The following RASSF2 variants were observed in gnomAD, a reference collection of about 807,000 sequenced individuals.
RASSF2 encodes the protein Ras association domain family member 2.
Under a neutral mutation model 46.3 loss-of-function variants are expected in RASSF2, and 34 were observed. The ratio of observed to expected loss-of-function variants is 0.73; its 90% CI spans 0.56 to 0.98. The LOEUF is 0.98. Among genes scored for constraint, RASSF2 ranks in the 50% least tolerant of loss-of-function variants. The pLI is 0.00. For synonymous variants in RASSF2, 158 were observed against 162.5 expected (o/e 0.97, Z 0.21); for missense variants, 364 against 431.2 (o/e 0.84, Z 1.38).
chr20:4,820,513 AAATAAT>A (rs931872671), intron 2 of RASSF2, among the ~76,000 whole-genome samples: 3 of 151,868 alleles, frequency 2.0e-5, no homozygotes, highest in African/African-American at 7.3e-5. Context: ...CTATGTCAAA[AAATAAT>A]AATAATAATA....
intron 2 of RASSF2, among the ~76,000 whole-genome samples, chr20:4,816,921 T>C (rs1285159878): frequency 6.6e-6 from 1 of 152,056 alleles, no homozygotes; most frequent in Non-Finnish European, 1.5e-5. Flanking sequence ...CTGGCCAACA[T>C]GGTGAAACCC....
chr20:4,798,213 C>T, intron 3 of RASSF2, 128 bp from the exon 4 acceptor site: 1 of 1,396,752 alleles, frequency 7.2e-7, no homozygotes, highest in African/African-American at 1.4e-5. Flanking sequence ...TCCACATGTA[C>T]ATACACACAC....
rs1224576168 is a variant in RASSF2 at position 4,795,237 on chromosome 20, T to TA, written c.287+577dup. 6.6e-6 allele frequency: 1 copy of TA among 152,278 alleles called. No individual in the cohort carries two copies. The highest frequency in any genetic ancestry group is 1.5e-5 in the Non-Finnish European group (1 of 68,082). The allele number at this position is 152,278 out of a possible 1,614,324, so 9.4% of individuals were successfully genotyped here. A position where few individuals can be genotyped will look rare whatever the true frequency, so the allele number is the denominator to read the frequency against. On this transcript the variant is annotated intron_variant, in intron 5 of 11. Transcript: ENST00000379400. This position sits in a 1 kb window ranked among gnomAD's most constrained non-coding sequence, Gnocchi z 4.0. Reference sequence around the variant, plus strand: ...CTTCCCAGCCCTTCTGGTGGGAACTTAGACTACCACCATCTCACCAAACCC... The same window carrying TA: ...CTTCCCAGCCCTTCTGGTGGGAACTTAAGACTACCACCATCTCACCAAACCC...
At chr20:4,789,462 G>A (rs1401449921) in intron 8 of RASSF2, 134 bp downstream of exon 8, 1 of 674,562 alleles carries the variant, frequency 1.5e-6, no homozygotes, top group African/African-American at 1.8e-5. Flanking sequence ...GGATCGTGAG[G>A]ATCTAAAGAA....
chr20:4,810,058 T>C (rs919972497), intron 2 of RASSF2, among the ~76,000 whole-genome samples: 36 of 152,182 alleles, frequency 2.4e-4, no homozygotes, highest in African/African-American at 8.4e-4. Context: ...CCATTACACC[T>C]GCTCCATATC....
chr20:4,786,382 T>C (rs1214952565), intron 10 of RASSF2, 54 bp from the exon 11 acceptor site: 1 of 1,386,408 alleles, frequency 7.2e-7, no homozygotes, highest in Non-Finnish European at 1.0e-6. Context: ...TTATTCCAAT[T>C]CCTTTCAGGG....
Position 4,795,880 on chromosome 20 carries a change from G to A in RASSF2, c.222C>T (p.Asn74=), listed in dbSNP as rs148149429. 4.7e-3 allele frequency: 7,629 copies of A among 1,609,872 alleles called. 37 individuals are homozygous for A. The highest frequency in any genetic ancestry group is 5.7e-3 in the Non-Finnish European group (6,742 of 1,177,550). The change falls in exon 5 of 12, where the codon AAC becomes AAT. Residue 74 remains asparagine, a synonymous_variant. Coordinates refer to ENST00000379400, the MANE Select transcript of RASSF2 (RefSeq NM_014737.3). The surrounding 1 kb of genome is among the most constrained non-coding windows in gnomAD (Gnocchi z 4.0). ...AGGATGGAGGGGGTCGAATGCGTTC[G>A]TTGTCATCCTGCATCTGCAGGCGAA... ...RPIRLQMQDD[N]ERIRPPPSSS...
intron 2 of RASSF2, among the ~76,000 whole-genome samples, chr20:4,802,175 G>C (rs1041562314): frequency 1.3e-5 from 2 of 152,036 alleles, no homozygotes; most frequent in Admixed American, 6.6e-5. Context: ...GGGCTCCCTC[G>C]ATCCCCCCGC....
At chr20:4,787,058 A>C (rs4527285) in intron 10 of RASSF2, among the ~76,000 whole-genome samples, 32,915 of 144,298 alleles carry the variant, frequency 0.23, 3,835 homozygotes, top group East Asian at 0.37. Context: ...ACTCCATCCC[A>C]AAAAAAAAAA....
In RASSF2 at chr20:4,790,180, G is replaced by A. The variant is rs536584790; in HGVS notation, c.537+271C>T. Among the ~76,000 whole-genome samples, 12 of 152,318 alleles carry A rather than the reference G, an allele frequency of 7.9e-5. No individual in the cohort carries two copies. The highest frequency in any genetic ancestry group is 3.9e-4 in the East Asian group (2 of 5,178). ...TGAGCTGCGTTTATGGGGTCTTCAAGGCTACAGCAGGGACTGCTTTGTACA... is the reference window on the plus strand; with the variant it reads ...TGAGCTGCGTTTATGGGGTCTTCAAAGCTACAGCAGGGACTGCTTTGTACA... On this transcript the variant is annotated intron_variant, in intron 7 of 11. Transcript: ENST00000379400. The surrounding 1 kb of genome is among the most constrained non-coding windows in gnomAD (Gnocchi z 4.3).
rs1438660056 is a variant in RASSF2 at position 4,790,868 on chromosome 20, T to C, written c.377-257A>G. Among the ~76,000 whole-genome samples the C allele has an allele frequency of 6.6e-6, 1 of 152,112 alleles. No homozygotes were observed. The highest frequency in any genetic ancestry group is 1.5e-5 in the Non-Finnish European group (1 of 68,016). ...CCATGATTGCCATATATCACTAACC[T>C]CTCTGTGCCTCGGTGCTTTTATATA... On this transcript the variant is annotated intron_variant, in intron 6 of 11. Transcript: ENST00000379400. The surrounding 1 kb of genome is among the most constrained non-coding windows in gnomAD (Gnocchi z 4.3).
In RASSF2 at chr20:4,786,433, T is replaced by G. The variant is rs1004026394; in HGVS notation, c.814-105A>C. 7.8e-6 allele frequency: 8 copies of G among 1,031,628 alleles called. No individual in the cohort carries two copies. In the African/African-American group the frequency reaches 1.1e-4, roughly 14 times the overall value. The allele number at this position is 1,031,628 out of a possible 1,614,324, so 63.9% of individuals were successfully genotyped here. On this transcript the variant is annotated intron_variant, in intron 10 of 11. Coordinates refer to ENST00000379400, the MANE Select transcript of RASSF2 (RefSeq NM_014737.3). ...GCACAAAGCCTTGGGAAGTCTATTT[T>G]TTTCAGAAACCCAGGATTTCCTTAA...
chr20:4,800,918 A>C (rs1404063191), intron 3 of RASSF2, 54 bp downstream of exon 3: 2 of 1,486,746 alleles, frequency 1.3e-6, no homozygotes, highest in East Asian at 4.5e-5. Flanking sequence ...CACCCACAAC[A>C]TCCCAGCACG....
At chr20:4,807,458 A>G (rs1164350036) in intron 2 of RASSF2, among the ~76,000 whole-genome samples, 1 of 152,246 alleles carries the variant, frequency 6.6e-6, no homozygotes, top group East Asian at 1.9e-4. Context: ...AATCAGTAAG[A>G]AAAAGGTTCT....
chr20:4,802,882 G>GTATA (rs139381564), intron 2 of RASSF2, among the ~76,000 whole-genome samples: 38,325 of 133,208 alleles, frequency 0.29, 5,673 homozygotes, highest in East Asian at 0.46. Flanking sequence ...ATGTGTGTGT[G>GTATA]TATATATATA....
intron 2 of RASSF2, among the ~76,000 whole-genome samples, chr20:4,808,273 A>G (rs1177998825): frequency 6.6e-6 from 1 of 152,118 alleles, no homozygotes; most frequent in Admixed American, 6.6e-5. Flanking sequence ...TTTAAGAACC[A>G]TTTACGATCA....
rs943417739 is a variant in RASSF2, at chr20:4,812,535, C to T, written c.-33+9794G>A. Among the ~76,000 whole-genome samples, 2 of 152,186 alleles carry T rather than the reference C, an allele frequency of 1.3e-5. No homozygotes were observed. The highest frequency in any genetic ancestry group is 4.8e-5 in the African/African-American group (2 of 41,436). ...AACTGTATTCTGGAGGAGAGGTTCTCCCACTTGAGTGTGTATTGGAATCTC... is the reference window on the plus strand; with the variant it reads ...AACTGTATTCTGGAGGAGAGGTTCTTCCACTTGAGTGTGTATTGGAATCTC... On this transcript the variant is annotated intron_variant, in intron 2 of 11. Coordinates refer to ENST00000379400, the MANE Select transcript of RASSF2 (RefSeq NM_014737.3). This position sits in a 1 kb window ranked among gnomAD's most constrained non-coding sequence, Gnocchi z 4.0.
chr20:4,816,011 T>A (rs1928276351), intron 2 of RASSF2, among the ~76,000 whole-genome samples: 1 of 152,228 alleles, frequency 6.6e-6, no homozygotes, highest in Admixed American at 6.5e-5. Flanking sequence ...GTTTTATTTT[T>A]TAAATATAGG....
At chr20:4,815,779 C>A (rs1928256577) in intron 2 of RASSF2, among the ~76,000 whole-genome samples, 1 of 152,216 alleles carries the variant, frequency 6.6e-6, no homozygotes, top group Admixed American at 6.5e-5. Flanking sequence ...AGCCAGCAAG[C>A]CATGCTGTGG....
Sources: allele counts gnomAD v4.1 joint callset (sites outside exome capture counted in the v4.1 genomes callset), GRCh38; gene constraint gnomAD v4.1.1; non-coding constraint Gnocchi (gnomAD v3.1); transcripts MANE v1.5; gene names NCBI Gene and HGNC (gene_info 2026-07-23, HGNC 2026-07-21).